The following NAALADL2 variants were observed in gnomAD, a reference collection of about 807,000 sequenced individuals.
NAALADL2 encodes the protein N-acetylated alpha-linked acidic dipeptidase like 2.
Under a neutral mutation model 87.2 loss-of-function variants are expected in NAALADL2, and 76 were observed. The observed-to-expected ratio is 0.87, with a 90% confidence interval of 0.72 to 1.05. NAALADL2 has a LOEUF of 1.05. Ranked by LOEUF, NAALADL2 falls within the 50% of genes least tolerant of loss-of-function variation. The pLI is 0.00. For synonymous variants in NAALADL2, 354 were observed against 331.0 expected (o/e 1.07, Z -0.75); for missense variants, 1,089 against 945.8 (o/e 1.15, Z -1.99).
At chr3:175,591,981 GGT>G (rs1270088705) in intron 10 of NAALADL2, among the ~76,000 whole-genome samples, 59 of 151,794 alleles carry the variant, frequency 3.9e-4, no homozygotes, top group Admixed American at 3.9e-3. Flanking sequence ...AAATCAGAGA[GGT>G]AGTCATTTCA....
At chr3:175,740,965 A>G (rs1745161044) in intron 12 of NAALADL2, among the ~76,000 whole-genome samples, 1 of 152,180 alleles carries the variant, frequency 6.6e-6, no homozygotes, top group South Asian at 2.1e-4. Context: ...AAGGAAGTGT[A>G]GCATGTTTTT....
chr3:175,199,864 A>G (rs953100121), intron 2 of NAALADL2, among the ~76,000 whole-genome samples: 4 of 13,058 alleles, frequency 3.1e-4, no homozygotes, highest in African/African-American at 9.3e-4. Context: ...ATATATATAT[A>G]TTTTTTTTTT....
intron 2 of NAALADL2, among the ~76,000 whole-genome samples, chr3:175,097,924 G>T (rs1273235723): frequency 6.6e-6 from 1 of 152,178 alleles, no homozygotes; most frequent in African/African-American, 2.4e-5. Context: ...TAGGCAGAGA[G>T]AGTAGTGAGG....
At chr3:174,760,141 T>A (rs1712723919) in intron 3 of NAALADL2, among the ~76,000 whole-genome samples, 1 of 152,146 alleles carries the variant, frequency 6.6e-6, no homozygotes, top group African/African-American at 2.4e-5. Context: ...AAACTGATTG[T>A]CTGAAGTATT....
chr3:175,544,492 A>T (rs1470334662), intron 9 of NAALADL2, among the ~76,000 whole-genome samples: 1 of 152,158 alleles, frequency 6.6e-6, no homozygotes, highest in Admixed American at 6.5e-5. Flanking sequence ...ATAAATTTTT[A>T]CTGAAATTTT....
chr3:175,625,897 C>T (rs888202456), intron 10 of NAALADL2, among the ~76,000 whole-genome samples: 40 of 151,996 alleles, frequency 2.6e-4, no homozygotes, highest in African/African-American at 9.2e-4. Flanking sequence ...TTATTCTATT[C>T]ATCTCAGGCC....
intron 11 of NAALADL2, among the ~76,000 whole-genome samples, chr3:175,734,149 G>C (rs901851819): frequency 6.6e-6 from 1 of 152,224 alleles, no homozygotes; most frequent in Non-Finnish European, 1.5e-5. Context: ...GGGACTCTCT[G>C]TGGGGGCTCT....
intron 1 of NAALADL2, among the ~76,000 whole-genome samples, chr3:174,494,239 G>T (rs917178207): frequency 1.3e-5 from 2 of 152,152 alleles, no homozygotes; most frequent in Non-Finnish European, 2.9e-5. Context: ...GAAAATAAGG[G>T]TTTACTTGAA....
At chr3:174,884,791 G>T (rs1560322686) in intron 1 of NAALADL2, among the ~76,000 whole-genome samples, 1 of 152,080 alleles carries the variant, frequency 6.6e-6, no homozygotes, top group Non-Finnish European at 1.5e-5. Flanking sequence ...AACTCAAGCA[G>T]TTCTTTTCGA....
At chr3:174,550,943 CAT>C (rs1339593563) in intron 2 of NAALADL2, 1 of 151,964 alleles carries the variant, frequency 6.6e-6, no homozygotes, top group Admixed American at 6.5e-5. Context: ...CTTCTAAAAA[CAT>C]GCCTTGAATA....
chr3:174,982,191 C>T (rs769949955), intron 1 of NAALADL2, among the ~76,000 whole-genome samples: 1 of 152,078 alleles, frequency 6.6e-6, no homozygotes, highest in Non-Finnish European at 1.5e-5. Context: ...TTTAGATAGT[C>T]TGGTTGAATC....
chr3:174,584,627 A>G (rs564894795), intron 2 of NAALADL2, among the ~76,000 whole-genome samples: 6 of 152,246 alleles, frequency 3.9e-5, no homozygotes, highest in African/African-American at 1.4e-4. Context: ...TTTAAGTACA[A>G]ATCTCCATAA....
intron 1 of NAALADL2, among the ~76,000 whole-genome samples, chr3:174,931,970 C>G (rs1181435154): frequency 6.6e-6 from 1 of 152,160 alleles, no homozygotes; most frequent in East Asian, 1.9e-4. Context: ...ATTCAAATAA[C>G]TTCAACAATT....
intron 3 of NAALADL2, among the ~76,000 whole-genome samples, chr3:175,254,969 T>C (rs963910027): frequency 3.9e-5 from 6 of 152,174 alleles, no homozygotes; most frequent in African/African-American, 1.4e-4. Flanking sequence ...GATTCAACCC[T>C]ACTGAGTCCA....
chr3:175,345,383 G>A (rs541615731), intron 5 of NAALADL2, among the ~76,000 whole-genome samples: 10 of 152,094 alleles, frequency 6.6e-5, no homozygotes, highest in South Asian at 6.2e-4. Flanking sequence ...TTTTAGTACC[G>A]TCTGATGAAT....
intron 12 of NAALADL2, among the ~76,000 whole-genome samples, chr3:175,741,025 G>C (rs905204293): frequency 1.3e-5 from 2 of 152,142 alleles, no homozygotes; most frequent in African/African-American, 4.8e-5. Context: ...TCACACAAGA[G>C]AGTAAAGGGA....
Position 175,737,318 on chromosome 3 carries a change from G to C in NAALADL2, c.1909G>C (p.Val637Leu), listed in dbSNP as rs776346115. 3 of 1,605,692 alleles carry C rather than the reference G, an allele frequency of 1.9e-6. No individual in the cohort carries two copies. ...TTTTTTCTTTCAGCTCTCAGGAGAA[G>C]TGATTTTGCAAATTGCCAACGAACC... Reference protein sequence around the residue: ...HETITKLSGEVILQIANEPVL... With the variant: ...HETITKLSGELILQIANEPVL... The change falls in exon 12 of 14, where the codon GTG becomes CTG. Residue 637 changes from valine (V) to leucine (L), a missense_variant. Coordinates refer to ENST00000454872, the MANE Select transcript of NAALADL2 (RefSeq NM_207015.3).
intron 10 of NAALADL2, among the ~76,000 whole-genome samples, chr3:175,584,064 G>A (rs2149582932): frequency 6.7e-6 from 1 of 150,124 alleles, no homozygotes; most frequent in East Asian, 1.9e-4. Context: ...CTGCGATGGA[G>A]TCTGGGTCTG....
chr3:174,712,694 A>G (rs540694071), intron 2 of NAALADL2, among the ~76,000 whole-genome samples: 19 of 151,554 alleles, frequency 1.3e-4, no homozygotes, highest in Admixed American at 3.9e-4. Flanking sequence ...CCTCACTTCT[A>G]CTCTTAACCC....
Sources: allele counts gnomAD v4.1 joint callset (sites outside exome capture counted in the v4.1 genomes callset), GRCh38; gene constraint gnomAD v4.1.1; transcripts MANE v1.5; gene names NCBI Gene and HGNC (gene_info 2026-07-23, HGNC 2026-07-21).